RAB38: variants seen among roughly 807,000 people sequenced by gnomAD.
RAB38 encodes ras-related protein Rab-38.
RAB38 carries 15 observed loss-of-function variants against 18.4 expected under a neutral mutation model. The observed-to-expected ratio is 0.82, with a 90% CI of 0.55 to 1.26. The LOEUF (loss-of-function observed/expected upper bound fraction) is 1.26, where lower values mean the gene tolerates loss of function less well. RAB38 is among the 50% of genes most tolerant of loss of function. The probability of loss-of-function intolerance (pLI) is 0.00; values close to 1 mark genes in which losing one functional copy is unlikely to be tolerated. For synonymous variants in RAB38, 101 were observed against 104.4 expected, an observed-to-expected ratio of 0.97 and a Z score of 0.20; for missense variants, 294 against 267.4, an observed-to-expected ratio of 1.10 and a Z score of -0.69.
At chr11:87,963,465 AAAAT>A in the RAB38 span, among the ~76,000 whole-genome samples, 1 of 152,164 alleles carries the variant, frequency 6.6e-6, no homozygotes, top group African/African-American at 2.4e-5. Context: ...ATCACAAATT[AAAAT>A]AATAGGACTA....
intron 1 of RAB38, among the ~76,000 whole-genome samples, chr11:88,151,682 C>A (rs762984828): frequency 1.9e-4 from 29 of 152,092 alleles, no homozygotes; most frequent in Non-Finnish European, 3.8e-4. Context: ...ACACTTTACC[C>A]TTAATTTTGA....
the RAB38 span, among the ~76,000 whole-genome samples, chr11:87,837,460 G>A: frequency 2.6e-5 from 4 of 152,144 alleles, no homozygotes; most frequent in African/African-American, 7.2e-5. Flanking sequence ...GCTCTCGAAT[G>A]TTTTTCTAAG....
At chr11:88,071,243 G>GACACACACACACACACAC in the RAB38 span, among the ~76,000 whole-genome samples, 19 of 148,416 alleles carry the variant, frequency 1.3e-4, no homozygotes, top group African/African-American at 4.7e-4. Context: ...ACTGGGGGAG[G>GACACACACACACACACAC]ACACACACAC....
At chr11:88,061,506 T>C in the RAB38 span, among the ~76,000 whole-genome samples, 1 of 152,252 alleles carries the variant, frequency 6.6e-6, no homozygotes, top group African/African-American at 2.4e-5. Context: ...TCAATGATCA[T>C]TTAAGAATCA....
intron 2 of RAB38, among the ~76,000 whole-genome samples, chr11:88,142,700 T>G (rs1000794454): frequency 1.3e-5 from 2 of 152,234 alleles, no homozygotes; most frequent in African/African-American, 4.8e-5. Context: ...AGCTGGACTT[T>G]GTTGGGCAAA....
At chr11:88,130,027 G>A (rs920202443) in intron 2 of RAB38, among the ~76,000 whole-genome samples, 1 of 152,082 alleles carries the variant, frequency 6.6e-6, no homozygotes, top group Non-Finnish European at 1.5e-5. Flanking sequence ...AATAGGAAGG[G>A]AGCAGCACAT....
the RAB38 span, among the ~76,000 whole-genome samples, chr11:88,066,189 C>T: frequency 6.6e-6 from 1 of 152,198 alleles, no homozygotes; most frequent in Non-Finnish European, 1.5e-5. Context: ...CTTGGTGGTT[C>T]ATTGCATGGC....
chr11:87,936,651 G>A, the RAB38 span, among the ~76,000 whole-genome samples: 2 of 151,982 alleles, frequency 1.3e-5, no homozygotes, highest in Non-Finnish European at 2.9e-5. Flanking sequence ...AATAGTTTGA[G>A]ATATTCTAGC....
chr11:88,029,440 G>C, the RAB38 span, among the ~76,000 whole-genome samples: 2 of 152,022 alleles, frequency 1.3e-5, no homozygotes, highest in Admixed American at 6.6e-5. Flanking sequence ...CTGGCAAATT[G>C]GATAAAGAGT....
At chr11:87,959,788 T>A in the RAB38 span, among the ~76,000 whole-genome samples, 3 of 152,224 alleles carry the variant, frequency 2.0e-5, no homozygotes, top group East Asian at 5.8e-4. Context: ...TGAGCCCAAG[T>A]CAACTATATG....
the RAB38 span, among the ~76,000 whole-genome samples, chr11:88,030,186 A>AC: frequency 1.3e-5 from 2 of 152,280 alleles, no homozygotes; most frequent in African/African-American, 2.4e-5. Context: ...ACCAATGAGA[A>AC]AAAGACACAA....
At chr11:88,041,295 A>C in the RAB38 span, among the ~76,000 whole-genome samples, 12 of 152,210 alleles carry the variant, frequency 7.9e-5, no homozygotes, top group Non-Finnish European at 1.8e-4. Context: ...TCCCCTCTGT[A>C]ATAGTGAGCG....
chr11:88,047,511 C>T, the RAB38 span, among the ~76,000 whole-genome samples: 1 of 152,196 alleles, frequency 6.6e-6, no homozygotes, highest in Non-Finnish European at 1.5e-5. Flanking sequence ...TGCCTTAAGT[C>T]AAGCCCTCAC....
intron 1 of RAB38, among the ~76,000 whole-genome samples, chr11:88,173,210 A>G (rs540569620): frequency 6.6e-6 from 1 of 152,348 alleles, no homozygotes; most frequent in South Asian, 2.1e-4. Flanking sequence ...AAGCACTTGT[A>G]TATCATATCC....
the RAB38 span, among the ~76,000 whole-genome samples, chr11:88,009,128 G>C: frequency 2.1e-3 from 320 of 152,206 alleles, no homozygotes; most frequent in African/African-American, 7.4e-3. Flanking sequence ...AGAAAAATCA[G>C]CACTGAAACT....
At chr11:88,063,338 T>G in the RAB38 span, among the ~76,000 whole-genome samples, 1 of 152,218 alleles carries the variant, frequency 6.6e-6, no homozygotes, top group Admixed American at 6.5e-5. Flanking sequence ...AAATTACCCT[T>G]TAGGTTTCCA....
the RAB38 span, among the ~76,000 whole-genome samples, chr11:87,969,870 T>A: frequency 1.3e-5 from 2 of 152,130 alleles, no homozygotes; most frequent in African/African-American, 4.8e-5. Context: ...TTTAAGCTCC[T>A]ATATATACAG....
the RAB38 span, among the ~76,000 whole-genome samples, chr11:87,976,398 T>A: frequency 0.013 from 1,625 of 127,368 alleles, 39 homozygotes; most frequent in African/African-American, 0.048. Flanking sequence ...TATATACACA[T>A]ATTTATATAT....
At chr11:88,014,074 C>T in the RAB38 span, among the ~76,000 whole-genome samples, 2 of 152,114 alleles carry the variant, frequency 1.3e-5, no homozygotes, top group Admixed American at 6.6e-5. Context: ...CTCCTCTTCC[C>T]CTCTTGCTCT....
Sources: allele counts gnomAD v4.1 joint callset (sites outside exome capture counted in the v4.1 genomes callset), GRCh38; gene constraint gnomAD v4.1.1; transcripts MANE v1.5; gene names NCBI Gene and HGNC (gene_info 2026-07-23, HGNC 2026-07-21).